Variants in GAS7 observed in about 807,000 individuals in gnomAD.
GAS7 encodes the protein growth arrest specific 7.
A neutral mutation model predicts 71.1 loss-of-function variants in GAS7; 28 were observed. The observed-to-expected ratio is 0.39, with a 90% CI of 0.29 to 0.54. GAS7 has a LOEUF of 0.54. Among genes scored for constraint, GAS7 ranks in the 20% least tolerant of loss-of-function variants. GAS7 has a pLI of 0.62. For missense variants in GAS7, 436 were observed against 627.8 expected, an observed-to-expected ratio of 0.69 and a Z score of 3.27; for synonymous variants, 258 against 245.8, an observed-to-expected ratio of 1.05 and a Z score of -0.46.
chr17:10,094,966 A>T (rs545562314), intron 1 of GAS7, among the ~76,000 whole-genome samples: 2 of 151,766 alleles, frequency 1.3e-5, no homozygotes, highest in East Asian at 3.9e-4. Context: ...TATGATTTCC[A>T]CCCCTCAGCA....
chr17:9,937,986 C>A (rs1471230791), intron 8 of GAS7, among the ~76,000 whole-genome samples: 12 of 152,088 alleles, frequency 7.9e-5, no homozygotes, highest in Non-Finnish European at 1.5e-4. Flanking sequence ...TAGGACGAGA[C>A]CAAATCAAAC....
intron 1 of GAS7, among the ~76,000 whole-genome samples, chr17:10,149,160 TG>T (rs1361169388): frequency 6.6e-6 from 1 of 152,206 alleles, no homozygotes; most frequent in East Asian, 1.9e-4. Context: ...TGGAGTGCAG[TG>T]GTGCGATCTT....
intron 11 of GAS7, among the ~76,000 whole-genome samples, chr17:9,920,155 A>C (rs1597443933): frequency 6.8e-6 from 1 of 148,064 alleles, no homozygotes; most frequent in Non-Finnish European, 1.5e-5. Context: ...AAGAATAATT[A>C]AGGAAGATAA....
rs1031590651 is a variant in GAS7, at chr17:9,913,493, T to C, written c.*3735A>G. 3 of 232,404 alleles carry C rather than the reference T, an allele frequency of 1.3e-5. No individual in the cohort carries two copies. In the South Asian group the frequency reaches 5.4e-4, roughly 42 times the overall value. 14.4% of individuals were successfully genotyped at this position (232,404 alleles called of 1,614,324 possible). On this transcript the variant is annotated 3_prime_UTR_variant, in exon 14 of 14. Coordinates refer to ENST00000432992, the MANE Select transcript of GAS7 (RefSeq NM_201433.2). ...AGATTTTTCTGCATCCATCCACTCA[T>C]CTAGTAATTGATTGGTTTTCACAAA...
intron 1 of GAS7, among the ~76,000 whole-genome samples, chr17:10,044,607 A>T (rs1198975075): frequency 6.6e-6 from 1 of 152,176 alleles, no homozygotes; most frequent in East Asian, 1.9e-4. Flanking sequence ...CATTTTCTAA[A>T]TTTTTTTGGT....
intron 1 of GAS7, among the ~76,000 whole-genome samples, chr17:10,168,273 T>C (rs931297261): frequency 6.6e-6 from 1 of 152,136 alleles, no homozygotes; most frequent in Non-Finnish European, 1.5e-5. Context: ...TCAAGATACA[T>C]TATCAAGTGA....
At chr17:10,154,124 C>T (rs1398512628) in intron 1 of GAS7, among the ~76,000 whole-genome samples, 2 of 152,082 alleles carry the variant, frequency 1.3e-5, no homozygotes, top group Admixed American at 6.5e-5. Context: ...GAGACTCTTG[C>T]CTTTTTGGCA....
At chr17:10,071,831 G>C (rs1192776891) in intron 1 of GAS7, among the ~76,000 whole-genome samples, 1 of 151,642 alleles carries the variant, frequency 6.6e-6, no homozygotes, top group African/African-American at 2.4e-5. Flanking sequence ...CAGCTACCTG[G>C]GAGGCTAAAG....
At chr17:9,999,501 G>A (rs186829265) in intron 2 of GAS7, among the ~76,000 whole-genome samples, 1 of 149,040 alleles carries the variant, frequency 6.7e-6, no homozygotes, top group African/African-American at 2.6e-5. Context: ...CTAAGTGACA[G>A]GGTAAGACTT....
rs201254619 is a variant in GAS7 at position 10,007,625 on chromosome 17, CAAAAAAAAAA to C, written c.304+12142_304+12151del. Among the ~76,000 whole-genome samples the C allele has an allele frequency of 2.9e-3, 137 of 46,608 alleles. 1 individual carries two copies. Among genetic ancestry groups the C allele is most frequent in the African/African-American group, 9.1e-3 (132 of 14,532 alleles). 30.6% of individuals were successfully genotyped at this position (46,608 alleles called of 152,430 possible). A position where few individuals can be genotyped will look rare whatever the true frequency, so the allele number is the denominator to read the frequency against. On this transcript the variant is annotated intron_variant, in intron 2 of 13. Coordinates refer to ENST00000432992, the MANE Select transcript of GAS7 (RefSeq NM_201433.2). ...TGGGAGACACAGCAAGATTCTGTCT[CAAAAAAAAAA>C]AAAAAAAAAAAAAAAGAACAGTTTC...
chr17:10,141,544 C>G (rs1468335998), intron 1 of GAS7, among the ~76,000 whole-genome samples: 2 of 152,092 alleles, frequency 1.3e-5, no homozygotes, highest in African/African-American at 4.8e-5. Flanking sequence ...ACCTGCAGCT[C>G]TCAGTTACTC....
chr17:10,085,319 C>T (rs896523938), intron 1 of GAS7, among the ~76,000 whole-genome samples: 7 of 152,252 alleles, frequency 4.6e-5, no homozygotes, highest in Admixed American at 3.9e-4. Flanking sequence ...GTGTCAGCCA[C>T]GAAGCCAACT....
At chr17:10,042,982 G>A (rs900795838) in intron 1 of GAS7, among the ~76,000 whole-genome samples, 9 of 152,176 alleles carry the variant, frequency 5.9e-5, no homozygotes, top group African/African-American at 1.9e-4. Context: ...CAAAGTGTTC[G>A]GTGGGGAGTA....
At chr17:10,062,984 A>C (rs2073236017) in intron 1 of GAS7, among the ~76,000 whole-genome samples, 1 of 152,206 alleles carries the variant, frequency 6.6e-6, no homozygotes. Flanking sequence ...CTCCATCCAC[A>C]CTGTGCAGAC....
intron 1 of GAS7, among the ~76,000 whole-genome samples, chr17:10,124,604 T>G (rs565346036): frequency 3.9e-4 from 59 of 152,278 alleles, no homozygotes; most frequent in African/African-American, 1.4e-3. Context: ...TCTCAAGGAC[T>G]TGGTACAACC....
chr17:10,174,555 A>G (rs55676365), intron 1 of GAS7, among the ~76,000 whole-genome samples: 31,176 of 151,012 alleles, frequency 0.21, 3,470 homozygotes, highest in African/African-American at 0.26. Flanking sequence ...AGCCGGGCGC[A>G]GTGGCGGGCG....
intron 2 of GAS7, among the ~76,000 whole-genome samples, chr17:10,011,315 T>C (rs977563028): frequency 6.6e-6 from 1 of 152,174 alleles, no homozygotes; most frequent in African/African-American, 2.4e-5. Context: ...TTCTGAGAGC[T>C]TGGTAGGAGT....
chr17:9,964,762 A>C (rs2069638600), intron 4 of GAS7, among the ~76,000 whole-genome samples: 1 of 152,198 alleles, frequency 6.6e-6, no homozygotes, highest in African/African-American at 2.4e-5. Flanking sequence ...CTCCCACACC[A>C]GCCATAAAAC....
At chr17:10,192,621 G>T (rs765028240) in intron 1 of GAS7, among the ~76,000 whole-genome samples, 1 of 152,132 alleles carries the variant, frequency 6.6e-6, no homozygotes, top group African/African-American at 2.4e-5. Flanking sequence ...GATTCCCGCC[G>T]ACTTGTTGCT....
Sources: allele counts gnomAD v4.1 joint callset (sites outside exome capture counted in the v4.1 genomes callset), GRCh38; gene constraint gnomAD v4.1.1; transcripts MANE v1.5; gene names NCBI Gene and HGNC (gene_info 2026-07-23, HGNC 2026-07-21).